Variants in SLC44A5 observed in about 807,000 individuals in gnomAD.
SLC44A5 encodes solute carrier family 44 member 5, also known as choline transporter-like protein 5.
SLC44A5 carries 57 observed loss-of-function variants against 101.8 expected under a neutral mutation model. That is an observed-to-expected ratio of 0.56 (90% CI 0.45 to 0.70). SLC44A5 has a LOEUF of 0.70. Among genes scored for constraint, SLC44A5 ranks in the 30% least tolerant of loss-of-function variants. The probability of loss-of-function intolerance (pLI) is 0.00; values close to 1 mark genes in which losing one functional copy is unlikely to be tolerated. For synonymous variants in SLC44A5, 281 were observed against 290.9 expected (o/e 0.97, Z 0.35); for missense variants, 737 against 853.1 (o/e 0.86, Z 1.70).
intron 7 of SLC44A5, among the ~76,000 whole-genome samples, chr1:75,248,244 G>A (rs992063640): frequency 6.6e-5 from 10 of 152,106 alleles, no homozygotes; most frequent in Admixed American, 3.9e-4. Context: ...GCCTCACTAA[G>A]AAGGTAACAT....
At chr1:75,660,293 T>C in the SLC44A5 span, among the ~76,000 whole-genome samples, 3 of 152,108 alleles carry the variant, frequency 2.0e-5, no homozygotes, top group Non-Finnish European at 2.9e-5. Flanking sequence ...CTTTTCATGA[T>C]GAAAACATTT....
intron 2 of SLC44A5, among the ~76,000 whole-genome samples, chr1:75,527,040 C>A (rs1211966423): frequency 6.6e-6 from 1 of 151,014 alleles, no homozygotes; most frequent in Non-Finnish European, 1.5e-5. Context: ...GAAGCTGAGG[C>A]AGGAGAATCG....
At chr1:75,450,197 G>C (rs1266071693) in intron 2 of SLC44A5, among the ~76,000 whole-genome samples, 1 of 152,150 alleles carries the variant, frequency 6.6e-6, no homozygotes, top group Non-Finnish European at 1.5e-5. Context: ...GAGAGGCAGA[G>C]AGCCTCCCTC....
chr1:75,240,923 T>C (rs969195138), intron 9 of SLC44A5, among the ~76,000 whole-genome samples: 1 of 152,090 alleles, frequency 6.6e-6, no homozygotes, highest in Non-Finnish European at 1.5e-5. Context: ...TTGTGGTTAT[T>C]TATTTGTTTG....
intron 2 of SLC44A5, among the ~76,000 whole-genome samples, chr1:75,481,385 A>C (rs948250937): frequency 2.6e-5 from 4 of 152,336 alleles, no homozygotes; most frequent in South Asian, 2.1e-4. Context: ...AATGGCAACA[A>C]AAGCCAAAAT....
At chr1:75,584,288 C>G (rs1673871431) in intron 1 of SLC44A5, among the ~76,000 whole-genome samples, 1 of 152,196 alleles carries the variant, frequency 6.6e-6, no homozygotes, top group East Asian at 1.9e-4. Flanking sequence ...GCAGCACTAT[C>G]CTAACTGCAT....
At chr1:75,254,227 C>T (rs923713794) in intron 6 of SLC44A5, among the ~76,000 whole-genome samples, 1 of 151,966 alleles carries the variant, frequency 6.6e-6, no homozygotes, top group South Asian at 2.1e-4. Flanking sequence ...TTAGTGGAGA[C>T]GTGGTTTCGG....
At chr1:75,507,873 C>T (rs1019338049) in intron 2 of SLC44A5, among the ~76,000 whole-genome samples, 2 of 152,042 alleles carry the variant, frequency 1.3e-5, no homozygotes, top group Admixed American at 6.6e-5. Context: ...CCCAGATTCA[C>T]AAAACAAGTA....
chr1:75,584,867 G>A (rs544788957), intron 1 of SLC44A5, among the ~76,000 whole-genome samples: 1 of 152,246 alleles, frequency 6.6e-6, no homozygotes, highest in Admixed American at 6.5e-5. Context: ...AAAGTGCTGG[G>A]ATTACAGGTG....
intron 1 of SLC44A5, among the ~76,000 whole-genome samples, chr1:75,609,344 T>C (rs1272361035): frequency 6.6e-6 from 1 of 152,004 alleles, no homozygotes; most frequent in African/African-American, 2.4e-5. Context: ...ATTTATATAT[T>C]TATGGTGTGA....
intron 4 of SLC44A5, among the ~76,000 whole-genome samples, chr1:75,334,619 C>A (rs1325368253): frequency 6.6e-6 from 1 of 152,040 alleles, no homozygotes. Context: ...TGAGAAGGAG[C>A]AAGAAGGGTA....
At chr1:75,534,081 C>T (rs1049083520) in intron 2 of SLC44A5, among the ~76,000 whole-genome samples, 1 of 152,144 alleles carries the variant, frequency 6.6e-6, no homozygotes, top group East Asian at 1.9e-4. Context: ...ACCATCATCC[C>T]CATGCAGTAC....
Position 75,541,472 on chromosome 1 carries a change from A to G in SLC44A5, c.-25T>C. On this transcript the variant is annotated 5_prime_UTR_variant, in exon 2 of 24. Transcript: ENST00000370859. ...TTGAGATAAAAGGCTGTCTCTTCAG[A>G]AGTAGGCCTGAATCACTGCAAACTT... 1 of 1,610,988 alleles carries G rather than the reference A, an allele frequency of 6.2e-7. No homozygotes were observed. Among genetic ancestry groups the G allele is most frequent in the Non-Finnish European group, 8.5e-7 (1 of 1,178,034 alleles).
chr1:75,692,772 T>C, the SLC44A5 span, among the ~76,000 whole-genome samples: 1 of 152,270 alleles, frequency 6.6e-6, no homozygotes, highest in South Asian at 2.1e-4. Context: ...GTATGTAATA[T>C]TCATCTAGGA....
intron 4 of SLC44A5, among the ~76,000 whole-genome samples, chr1:75,314,344 A>G (rs975758347): frequency 1.6e-4 from 25 of 152,282 alleles, no homozygotes; most frequent in Admixed American, 3.9e-4. Flanking sequence ...GCTATCTTGC[A>G]TGGACAATAA....
At chr1:75,591,211 T>G (rs1462279838) in intron 1 of SLC44A5, among the ~76,000 whole-genome samples, 1 of 152,198 alleles carries the variant, frequency 6.6e-6, no homozygotes, top group Non-Finnish European at 1.5e-5. Flanking sequence ...ACAGCATTAC[T>G]GGCCTTCGGG....
At chr1:75,601,295 T>C (rs1674964641) in intron 1 of SLC44A5, among the ~76,000 whole-genome samples, 1 of 151,032 alleles carries the variant, frequency 6.6e-6, no homozygotes, top group South Asian at 2.1e-4. Flanking sequence ...AAACACCGCA[T>C]GTTCTCACTC....
chr1:75,218,022 T>C (rs1227213772), intron 17 of SLC44A5, 62 bp from the exon 18 acceptor site: 4 of 1,104,362 alleles, frequency 3.6e-6, no homozygotes, highest in East Asian at 4.9e-5. Flanking sequence ...GGGATGCTAA[T>C]TGAATAATTT....
intron 2 of SLC44A5, among the ~76,000 whole-genome samples, chr1:75,527,887 A>G (rs957308571): frequency 1.3e-5 from 2 of 152,036 alleles, no homozygotes; most frequent in African/African-American, 2.4e-5. Flanking sequence ...TGTTTTTGTC[A>G]TTTTCCCCCT....
Sources: gnomAD v4.1 joint callset for allele counts (sites outside exome capture counted in the v4.1 genomes callset) on GRCh38, gnomAD v4.1.1 for gene constraint, MANE v1.5 for transcripts, NCBI Gene and HGNC (gene_info 2026-07-23, HGNC 2026-07-21) for gene names.